VEZF1: variants seen among roughly 807,000 people sequenced by gnomAD.
VEZF1 encodes putative transcription factor DB1.
In VEZF1, 5 loss-of-function variants were observed where a neutral mutation model predicts 44.1. The observed-to-expected ratio is 0.11, with a 90% confidence interval of 0.06 to 0.24. The LOEUF is 0.24. Among genes scored for constraint, VEZF1 ranks in the 10% least tolerant of loss-of-function variants. The pLI, the probability that VEZF1 is intolerant of heterozygous loss-of-function variation, is 1.00. For missense variants in VEZF1, 358 were observed against 641.8 expected (o/e 0.56, Z 4.78); for synonymous variants, 236 against 233.1 (o/e 1.01, Z -0.11).
Position 57,988,215 on chromosome 17 carries a change from A to G in VEZF1, c.-104T>C, listed in dbSNP as rs1254207269. The G allele has an allele frequency of 3.3e-5, 7 of 214,214 alleles. No homozygotes were observed. The highest frequency in any genetic ancestry group is 1.9e-4 in the Admixed American group (3 of 15,646). 13.3% of individuals were successfully genotyped at this position (214,214 alleles called of 1,614,324 possible). The stretch of plus-strand genomic sequence containing the variant: ...CGGCGGCGGCGGCGGCGGCAACGGC[A>G]GCGGCGGCTCCTCAACATGGCAGCG... On this transcript the variant is annotated 5_prime_UTR_variant, in exon 1 of 6. Transcript: ENST00000581208.
intron 1 of VEZF1, among the ~76,000 whole-genome samples, chr17:57,987,802 G>A (rs1272139520): frequency 6.6e-6 from 1 of 151,960 alleles, no homozygotes; most frequent in African/African-American, 2.4e-5. Context: ...GAGCGAGAGG[G>A]AAGGGTGTGT....
rs2075320761 is a variant in VEZF1 at position 57,988,194 on chromosome 17, G to A, written c.-83C>T. 2 of 298,886 alleles carry A rather than the reference G, an allele frequency of 6.7e-6. No individual in the cohort carries two copies. The highest frequency in any genetic ancestry group is 1.2e-5 in the Non-Finnish European group (2 of 173,190). 18.5% of individuals were successfully genotyped at this position (298,886 alleles called of 1,614,324 possible). ...CCGGAGGAGGCGACAACAAAGCGGC[G>A]GCGGCGGCGGCGGCAACGGCAGCGG... is the stretch of plus-strand genomic sequence containing the variant. On this transcript the variant is annotated 5_prime_UTR_variant, in exon 1 of 6. Transcript: ENST00000581208.
At chr17:57,980,925 G>A (rs572191733) in intron 3 of VEZF1, 139 bp from the exon 4 acceptor site, 4 of 767,652 alleles carry the variant, frequency 5.2e-6, no homozygotes, top group African/African-American at 1.8e-5. Flanking sequence ...ATGTTACCTA[G>A]AATCATAATC....
chr17:57,983,510 G>A lies in VEZF1; in HGVS notation c.34-117C>T, dbSNP rs1015107831. Reference sequence around the variant, plus strand: ...AGTCAAAGAACCTATAAGCTACTCTGCAGTGGTAATCCAGCAACCACCTAG... The same window carrying A: ...AGTCAAAGAACCTATAAGCTACTCTACAGTGGTAATCCAGCAACCACCTAG... On this transcript the variant is annotated intron_variant, in intron 1 of 5. Coordinates refer to ENST00000581208, the MANE Select transcript of VEZF1 (RefSeq NM_007146.3). 5 of 878,556 alleles carry A rather than the reference G, an allele frequency of 5.7e-6. No homozygotes were observed. In the African/African-American group the frequency reaches 8.4e-5, roughly 15 times the overall value. The allele number at this position is 878,556 out of a possible 1,614,324, so 54.4% of individuals were successfully genotyped here. A position where few individuals can be genotyped will look rare whatever the true frequency, so the allele number is the denominator to read the frequency against.
At chr17:57,981,971 C>T (rs755922892) in intron 2 of VEZF1, 35 bp from the exon 3 acceptor site, 77 of 1,604,874 alleles carry the variant, frequency 4.8e-5, no homozygotes, top group Non-Finnish European at 6.1e-5. Flanking sequence ...AAGATATAAT[C>T]GAACACATAG....
At chr17:57,983,837 T>C (rs748176333) in intron 1 of VEZF1, among the ~76,000 whole-genome samples, 1 of 152,226 alleles carries the variant, frequency 6.6e-6, no homozygotes, top group Non-Finnish European at 1.5e-5. Context: ...TCTATTTGTC[T>C]ATTATCCAGA....
chr17:57,974,581 C>G lies in VEZF1; in HGVS notation c.1458G>C (p.Met486Ile). ...CTAATGTCATAGGTGTGGGTAGATT[C>G]ATTGGAGATGTGATGGTGACAGGGT... is the stretch of plus-strand genomic sequence containing the variant. ...IAHPVTITSP[M>I]NLPTPMTLAA... The change falls in exon 6 of 6, where the codon ATG becomes ATC. Residue 486 changes from methionine (M) to isoleucine (I), a missense_variant. Transcript: ENST00000581208. The G allele has an allele frequency of 6.2e-7, 1 of 1,614,024 alleles. No homozygotes were observed. Among genetic ancestry groups the G allele is most frequent in the Non-Finnish European group, 8.5e-7 (1 of 1,180,016 alleles).
chr17:57,979,129 C>T, intron 5 of VEZF1, 23 bp downstream of exon 5: 1 of 1,607,292 alleles, frequency 6.2e-7, no homozygotes, highest in South Asian at 1.1e-5. Context: ...GCCATATTTT[C>T]AACACTGGAA....
chr17:57,979,091 T>C (rs1845485020), intron 5 of VEZF1, 61 bp downstream of exon 5: 2 of 1,576,066 alleles, frequency 1.3e-6, no homozygotes, highest in African/African-American at 1.4e-5. Context: ...TTTGATCACT[T>C]GGCATACTAA....
intron 1 of VEZF1, among the ~76,000 whole-genome samples, chr17:57,987,503 G>C (rs375606504): frequency 6.6e-6 from 1 of 152,162 alleles, no homozygotes; most frequent in East Asian, 1.9e-4. Flanking sequence ...GGGAGTGGCG[G>C]GGAACCTGGG....
At chr17:57,986,171 C>T (rs965852418) in intron 1 of VEZF1, 12 of 152,068 alleles carry the variant, frequency 7.9e-5, no homozygotes, top group African/African-American at 2.9e-4. Context: ...AATATAAAAT[C>T]TAATTAAAAA....
intron 4 of VEZF1, among the ~76,000 whole-genome samples, chr17:57,979,587 G>C (rs556006847): frequency 6.6e-6 from 1 of 150,486 alleles, no homozygotes; most frequent in South Asian, 2.1e-4. Context: ...TTTAAAAATG[G>C]AAGTTTGATA....
intron 5 of VEZF1, 130 bp from the exon 6 acceptor site, chr17:57,975,030 C>G (rs938858662): frequency 9.2e-7 from 1 of 1,084,914 alleles, no homozygotes; most frequent in African/African-American, 1.6e-5. Context: ...TTCTATCAAG[C>G]GGTCAACAGA....
rs1257643231 is a variant in VEZF1 at position 57,972,240 on chromosome 17, G to C, written c.*2233C>G. ...ACAACCACATTCTAGCTTAGGGGTA[G>C]GGCCCACACCTGCCCCCACTGAGGA... On this transcript the variant is annotated 3_prime_UTR_variant, in exon 6 of 6. Transcript: ENST00000581208. The C allele has an allele frequency of 6.6e-6, 1 of 152,226 alleles. No homozygotes were observed. The highest frequency in any genetic ancestry group is 6.6e-5 in the Admixed American group (1 of 15,258). 9.4% of individuals were successfully genotyped at this position (152,226 alleles called of 1,614,324 possible). A position where few individuals can be genotyped will look rare whatever the true frequency, so the allele number is the denominator to read the frequency against.
Position 57,974,910 on chromosome 17 carries a change from G to A in VEZF1, c.1139-10C>T, listed in dbSNP as rs1195646692. On this transcript the variant is annotated splice_polypyrimidine_tract_variant and intron_variant, in intron 5 of 5. Transcript: ENST00000581208. Reference sequence around the variant, plus strand: ...CACAGGTTAGCAGCTTCTAAAATAAGAAGAAAAAGGGTCTTTAGATTCTCA... The same window carrying A: ...CACAGGTTAGCAGCTTCTAAAATAAAAAGAAAAAGGGTCTTTAGATTCTCA... 33 of 1,594,842 alleles carry A rather than the reference G, an allele frequency of 2.1e-5. No individual in the cohort carries two copies. In the Admixed American group the frequency reaches 2.1e-4, roughly 10 times the overall value.
intron 2 of VEZF1, 35 bp from the exon 3 acceptor site, chr17:57,981,971 C>G: frequency 1.2e-6 from 2 of 1,604,874 alleles, no homozygotes; most frequent in South Asian, 2.2e-5. Context: ...AAGATATAAT[C>G]GAACACATAG....
intron 1 of VEZF1, chr17:57,985,215 A>G (rs1162055411): frequency 1.7e-6 from 2 of 1,204,768 alleles, no homozygotes; most frequent in East Asian, 3.2e-5. Context: ...TTTCAACTCT[A>G]AACAACCATT....
intron 4 of VEZF1, 116 bp from the exon 5 acceptor site, chr17:57,979,429 G>T: frequency 6.9e-7 from 1 of 1,456,822 alleles, no homozygotes; most frequent in Non-Finnish European, 9.1e-7. Flanking sequence ...ATAGCTCTTA[G>T]TAAGTGCATC....
chr17:57,985,968 A>AT (rs2075289678), intron 1 of VEZF1: 1 of 152,106 alleles, frequency 6.6e-6, no homozygotes, highest in Non-Finnish European at 1.5e-5. Context: ...ACCAGAACTG[A>AT]TTAAGTCTAT....
Sources: gnomAD v4.1 joint callset for allele counts (sites outside exome capture counted in the v4.1 genomes callset) on GRCh38, gnomAD v4.1.1 for gene constraint, MANE v1.5 for transcripts, NCBI Gene and HGNC (gene_info 2026-07-23, HGNC 2026-07-21) for gene names.